PCDHA4: variants seen among roughly 807,000 people sequenced by gnomAD.
PCDHA4 encodes the protein protocadherin alpha 4, also known as protocadherin alpha-4.
PCDHA4 carries 49 observed loss-of-function variants against 61.4 expected under a neutral mutation model. The ratio of observed to expected loss-of-function variants is 0.80; its 90% CI spans 0.63 to 1.01. PCDHA4 has a LOEUF of 1.01. Ranked by LOEUF, PCDHA4 falls within the 50% of genes least tolerant of loss-of-function variation. The pLI, the probability that PCDHA4 is intolerant of heterozygous loss-of-function variation, is 0.00. For synonymous variants in PCDHA4, 590 were observed against 550.3 expected (o/e 1.07, Z -1.01); for missense variants, 1,254 against 1,235.8 (o/e 1.01, Z -0.22).
At chr5:140,858,285 G>C in intron 1 of PCDHA4, 1 of 1,597,520 alleles carries the variant, frequency 6.3e-7, no homozygotes, top group Non-Finnish European at 8.6e-7. Context: ...GTGGGGAGCT[G>C]GTCTTACTCG....
chr5:140,857,402 C>T (rs2044569708), intron 1 of PCDHA4: 3 of 1,598,498 alleles, frequency 1.9e-6, no homozygotes, highest in Non-Finnish European at 2.6e-6. Flanking sequence ...CGACAACGCG[C>T]CTGCGTTCGC....
intron 1 of PCDHA4, among the ~76,000 whole-genome samples, chr5:140,897,305 G>T (rs952231570): frequency 6.6e-6 from 1 of 150,594 alleles, no homozygotes; most frequent in Non-Finnish European, 1.5e-5. Context: ...TTAGCATTAG[G>T]TATATCTCCT....
chr5:141,010,438 CAAAT>C lies in PCDHA4; in HGVS notation c.*505_*508del, dbSNP rs2098417279. On this transcript the variant is annotated 3_prime_UTR_variant, in exon 4 of 4. Transcript: ENST00000530339. ...TACAAGGAAGGCAAGAAAACAAAGA[CAAAT>C]AAACAGCGGAAGTTATCAGTATGGA... 2.0e-6 allele frequency: 2 copies of C among 998,926 alleles called. No homozygotes were observed. The highest frequency in any genetic ancestry group is 2.8e-6 in the Non-Finnish European group (2 of 704,790). The allele number at this position is 998,926 out of a possible 1,614,324, so 61.9% of individuals were successfully genotyped here.
intron 1 of PCDHA4, among the ~76,000 whole-genome samples, chr5:140,957,554 G>A (rs1291687434): frequency 6.6e-6 from 1 of 152,074 alleles, no homozygotes; most frequent in African/African-American, 2.4e-5. Flanking sequence ...ATTCTCTGTG[G>A]AAAAGGAGGG....
chr5:140,953,564 GC>G (rs543933826), intron 1 of PCDHA4, among the ~76,000 whole-genome samples: 356 of 152,176 alleles, frequency 2.3e-3, no homozygotes, highest in African/African-American at 7.9e-3. Context: ...AAGTTTTAGT[GC>G]CCTCCTCTCC....
At chr5:140,828,868 A>C (rs2150159901) in intron 1 of PCDHA4, 5 of 1,614,142 alleles carry the variant, frequency 3.1e-6, no homozygotes, top group Non-Finnish European at 1.7e-6. Flanking sequence ...ACAACGGAAC[A>C]ACAGTTATCA....
intron 1 of PCDHA4, chr5:140,877,568 A>G (rs782021677): frequency 1.9e-6 from 3 of 1,613,708 alleles, no homozygotes; most frequent in Non-Finnish European, 1.7e-6. Context: ...ATTAACGTGT[A>G]CCTCATCATC....
chr5:140,815,959 G>T (rs1386419229), intron 1 of PCDHA4: 1 of 152,146 alleles, frequency 6.6e-6, no homozygotes, highest in Non-Finnish European at 1.5e-5. Context: ...AGAGTTAGGG[G>T]TGTTCTTTTG....
chr5:140,884,554 G>A (rs1554181727), intron 1 of PCDHA4: 10 of 1,614,160 alleles, frequency 6.2e-6, no homozygotes, highest in Non-Finnish European at 6.8e-6. Context: ...GCTCTGGGGA[G>A]GGCCCGCATA....
chr5:140,996,365 T>C (rs1017086317), intron 3 of PCDHA4, among the ~76,000 whole-genome samples: 4 of 152,196 alleles, frequency 2.6e-5, no homozygotes, highest in African/African-American at 9.7e-5. Context: ...GAAGCCATTT[T>C]GTTGTCGGCT....
intron 1 of PCDHA4, chr5:140,821,974 T>C: frequency 6.2e-7 from 1 of 1,614,126 alleles, no homozygotes; most frequent in Non-Finnish European, 8.5e-7. Context: ...CCGGGTGGCG[T>C]CCAAGGGCCG....
chr5:140,888,513 A>C (rs1208227299), intron 1 of PCDHA4, among the ~76,000 whole-genome samples: 5 of 152,216 alleles, frequency 3.3e-5, no homozygotes, highest in African/African-American at 4.8e-5. Context: ...TCTTGGACTT[A>C]GTTCTGACGT....
At chr5:140,832,306 A>C (rs1050909955) in intron 1 of PCDHA4, among the ~76,000 whole-genome samples, 2 of 152,188 alleles carry the variant, frequency 1.3e-5, no homozygotes, top group East Asian at 3.8e-4. Context: ...CCACATTTAA[A>C]AGTTGCTTAA....
At chr5:140,992,430 C>T (rs1356224402) in intron 3 of PCDHA4, among the ~76,000 whole-genome samples, 1 of 152,042 alleles carries the variant, frequency 6.6e-6, no homozygotes, top group Non-Finnish European at 1.5e-5. Flanking sequence ...GAATATTGTT[C>T]CAAGAGTTGG....
At chr5:140,810,443 T>C (rs1764661683) in intron 1 of PCDHA4, 1 of 152,240 alleles carries the variant, frequency 6.6e-6, no homozygotes, top group Non-Finnish European at 1.5e-5. Context: ...CCTGTTTACA[T>C]TCCTAGTAGT....
chr5:140,941,181 G>C (rs2092747130), intron 1 of PCDHA4, among the ~76,000 whole-genome samples: 1 of 114,608 alleles, frequency 8.7e-6, no homozygotes, highest in African/African-American at 3.2e-5. Flanking sequence ...TGAACATCCT[G>C]CTTCTTTTTT....
intron 1 of PCDHA4, chr5:140,829,266 A>T: frequency 6.2e-7 from 1 of 1,614,248 alleles, no homozygotes; most frequent in South Asian, 1.1e-5. Context: ...CTGACGCCTC[A>T]CGTCCCTTTC....
At chr5:140,938,631 T>C (rs1554212262) in intron 1 of PCDHA4, among the ~76,000 whole-genome samples, 1 of 152,208 alleles carries the variant, frequency 6.6e-6, no homozygotes. Context: ...AGGTTGCTTA[T>C]GATGTATAAT....
At chr5:140,982,241 T>G in intron 2 of PCDHA4, 1 of 696,668 alleles carries the variant, frequency 1.4e-6, no homozygotes, top group South Asian at 3.3e-5. Context: ...AGAATTGCCA[T>G]AAAGATAGAA....
Sources: gnomAD v4.1 joint callset for allele counts (sites outside exome capture counted in the v4.1 genomes callset) on GRCh38, gnomAD v4.1.1 for gene constraint, MANE v1.5 for transcripts, NCBI Gene and HGNC (gene_info 2026-07-23, HGNC 2026-07-21) for gene names.